The following GALK2 variants were observed in gnomAD, a reference collection of about 807,000 sequenced individuals.
The protein encoded by GALK2 is galactokinase 2.
In GALK2, 36 loss-of-function variants were observed where a neutral mutation model predicts 52.4. That is an observed-to-expected ratio of 0.69 (90% confidence interval 0.53 to 0.91). The LOEUF is 0.91. GALK2 is among the 40% of genes least tolerant of loss of function. The pLI is 0.00. For synonymous variants in GALK2, 176 were observed against 199.1 expected (o/e 0.88, Z 0.98); for missense variants, 579 against 559.1 (o/e 1.04, Z -0.36).
intron 5 of GALK2, among the ~76,000 whole-genome samples, chr15:49,272,505 C>T (rs550446546): frequency 5.9e-5 from 9 of 152,150 alleles, no homozygotes; most frequent in African/African-American, 1.4e-4. Flanking sequence ...TGAGATTGTG[C>T]ACGTTTAACC....
chr15:49,200,159 T>A (rs1295863395), intron 1 of GALK2, among the ~76,000 whole-genome samples: 1 of 152,132 alleles, frequency 6.6e-6, no homozygotes, highest in South Asian at 2.1e-4. Flanking sequence ...TTTGAGAGTA[T>A]CAAGTTATTA....
chr15:49,273,007 G>GC (rs969475298), intron 5 of GALK2, among the ~76,000 whole-genome samples: 3 of 152,144 alleles, frequency 2.0e-5, no homozygotes, highest in African/African-American at 7.2e-5. Flanking sequence ...TATTTTTAGA[G>GC]CCCCATGTCC....
intron 1 of GALK2, chr15:49,178,860 C>T (rs1006416770): frequency 6.2e-6 from 1 of 161,540 alleles, no homozygotes; most frequent in African/African-American, 2.4e-5. Flanking sequence ...GGTTGTGCCT[C>T]ATGGGTTTTG....
At chr15:49,291,530 C>T (rs1340458552) in intron 7 of GALK2, among the ~76,000 whole-genome samples, 1 of 152,148 alleles carries the variant, frequency 6.6e-6, no homozygotes, top group African/African-American at 2.4e-5. Context: ...CACACCCAGG[C>T]AATGAATATT....
intron 5 of GALK2, among the ~76,000 whole-genome samples, 196 bp downstream of exon 5, chr15:49,239,563 A>C (rs1200191038): frequency 1.3e-5 from 2 of 152,224 alleles, no homozygotes; most frequent in Non-Finnish European, 2.9e-5. Flanking sequence ...GAGTGAATAG[A>C]TCTGTGAATA....
At chr15:49,227,257 T>TCTTTCTCCC (rs1016101166) in intron 3 of GALK2, among the ~76,000 whole-genome samples, 1 of 152,348 alleles carries the variant, frequency 6.6e-6, no homozygotes, top group Admixed American at 6.5e-5. Context: ...TATTGTGCTG[T>TCTTTCTCCC]CTTTCTCCCT....
At chr15:49,341,831 T>G (rs1032991224) in intron 3 of GALK2, among the ~76,000 whole-genome samples, 4 of 152,318 alleles carry the variant, frequency 2.6e-5, no homozygotes, top group African/African-American at 9.6e-5. Flanking sequence ...TTTGTTTGAT[T>G]TTCATTCAAT....
At chr15:49,245,832 A>G (rs1368459428) in intron 5 of GALK2, among the ~76,000 whole-genome samples, 3 of 152,228 alleles carry the variant, frequency 2.0e-5, no homozygotes, top group Non-Finnish European at 2.9e-5. Flanking sequence ...CTTTCTTTAT[A>G]TAAGTCACAC....
intron 2 of GALK2, among the ~76,000 whole-genome samples, chr15:49,210,628 A>G (rs962553463): frequency 3.3e-5 from 5 of 151,680 alleles, no homozygotes; most frequent in Non-Finnish European, 7.4e-5. Context: ...TTTAGTAGAG[A>G]CAGGGTTTCA....
At chr15:49,314,556 A>G (rs1196671325) in intron 8 of GALK2, among the ~76,000 whole-genome samples, 4 of 152,240 alleles carry the variant, frequency 2.6e-5, no homozygotes, top group Admixed American at 2.6e-4. Flanking sequence ...GTTTTGTTAC[A>G]AGGAGAAGGA....
chr15:49,357,223 A>G (rs1397213513), intron 3 of GALK2, among the ~76,000 whole-genome samples: 2 of 150,484 alleles, frequency 1.3e-5, no homozygotes, highest in East Asian at 3.9e-4. Context: ...AAGGCAAGAA[A>G]TAACTAAAAT....
At chr15:49,228,474 G>A (rs2090265985) in intron 3 of GALK2, among the ~76,000 whole-genome samples, 2 of 150,102 alleles carry the variant, frequency 1.3e-5, no homozygotes, top group African/African-American at 4.9e-5. Flanking sequence ...TTTAGGTACT[G>A]AAATTCTTTC....
At chr15:49,213,277 A>G (rs2089080861) in intron 2 of GALK2, among the ~76,000 whole-genome samples, 1 of 152,058 alleles carries the variant, frequency 6.6e-6, no homozygotes, top group African/African-American at 2.4e-5. Context: ...TTTATCTTGA[A>G]TCCTGTTTAT....
downstream of GALK2, among the ~76,000 whole-genome samples, chr15:49,333,095 A>G (rs1235697138): frequency 1.3e-5 from 2 of 152,096 alleles, no homozygotes. Flanking sequence ...ACTAAGTTAA[A>G]ATCACTCCCT....
rs571887538 is a variant in GALK2, at chr15:49,265,513, G to C, written c.505-16474G>C. Among the ~76,000 whole-genome samples the C allele has an allele frequency of 6.6e-5, 10 of 152,346 alleles. No individual in the cohort carries two copies. In the South Asian group the frequency reaches 2.1e-3, roughly 32 times the overall value. On this transcript the variant is annotated intron_variant, in intron 5 of 9. Transcript: ENST00000560031. ...ACTAGGAAAGGGAACTCCCTGACCC[G>C]TTGCGCTTCCCGAGTGAGGCAATGC...
intron 3 of GALK2, among the ~76,000 whole-genome samples, chr15:49,355,473 T>G (rs1286889366): frequency 6.6e-6 from 1 of 151,984 alleles, no homozygotes; most frequent in Non-Finnish European, 1.5e-5. Flanking sequence ...TGCGATCAAC[T>G]GGAAGAAAGG....
In GALK2 at chr15:49,248,873, A is replaced by T. The variant is rs538548768; in HGVS notation, c.504+9506A>T. Among the ~76,000 whole-genome samples the T allele has an allele frequency of 1.1e-3, 175 of 152,260 alleles. 1 individual carries two copies. The highest frequency in any genetic ancestry group is 2.0e-3 in the Non-Finnish European group (135 of 68,024). ...AACAAGCATAATTAGGGAACAGCAG[A>T]TTTGAGGAGTGTGTGTCACTGTTTG... On this transcript the variant is annotated intron_variant, in intron 5 of 9. Transcript: ENST00000560031.
chr15:49,284,328 G>C (rs928664028), intron 7 of GALK2, among the ~76,000 whole-genome samples: 1 of 152,192 alleles, frequency 6.6e-6, no homozygotes, highest in Non-Finnish European at 1.5e-5. Flanking sequence ...TAGGACATGG[G>C]ACTAGAGAGA....
At chr15:49,193,528 T>TTAGA (rs1484855188) in intron 1 of GALK2, among the ~76,000 whole-genome samples, 1 of 152,048 alleles carries the variant, frequency 6.6e-6, no homozygotes, top group Non-Finnish European at 1.5e-5. Flanking sequence ...TTGAGTCATA[T>TTAGA]TAGAAAACCT....
Sources: gnomAD v4.1 joint callset for allele counts (sites outside exome capture counted in the v4.1 genomes callset) on GRCh38, gnomAD v4.1.1 for gene constraint, MANE v1.5 for transcripts, NCBI Gene and HGNC (gene_info 2026-07-23, HGNC 2026-07-21) for gene names.